Variants in CARD19 observed in about 807,000 individuals in gnomAD.
The protein encoded by CARD19 is caspase recruitment domain family member 19.
A neutral mutation model predicts 24.1 loss-of-function variants in CARD19; 25 were observed. The ratio of observed to expected loss-of-function variants is 1.04; its 90% CI spans 0.76 to 1.45. The LOEUF (loss-of-function observed/expected upper bound fraction) is 1.45. CARD19 is among the 40% of genes most tolerant of loss of function. CARD19 has a pLI of 0.00. For missense variants in CARD19, 241 were observed against 247.4 expected (o/e 0.97, Z 0.17); for synonymous variants, 103 against 104.9 (o/e 0.98, Z 0.11).
intron 1 of CARD19, among the ~76,000 whole-genome samples, chr9:93,099,954 T>G (rs1454864041): frequency 1.3e-5 from 2 of 152,210 alleles, no homozygotes; most frequent in African/African-American, 4.8e-5. Flanking sequence ...CAGGTATCTC[T>G]GGGGTTAAGG....
At chr9:93,109,471 C>CTTTTTTT (rs5899172) in intron 2 of CARD19, among the ~76,000 whole-genome samples, 1 of 148,558 alleles carries the variant, frequency 6.7e-6, no homozygotes. Context: ...ATACTTCTGT[C>CTTTTTTT]TTTTTTTTTT....
At chr9:93,102,148 G>T (rs1827109239) in intron 1 of CARD19, among the ~76,000 whole-genome samples, 1 of 152,048 alleles carries the variant, frequency 6.6e-6, no homozygotes, top group African/African-American at 2.4e-5. Context: ...TTTTAGTAGA[G>T]ACAGGGTTTC....
chr9:93,105,919 C>T (rs1274044997), intron 1 of CARD19, among the ~76,000 whole-genome samples: 3 of 152,102 alleles, frequency 2.0e-5, no homozygotes, highest in Non-Finnish European at 4.4e-5. Context: ...TTGAAGTCTC[C>T]AAATATTATT....
At chr9:93,107,640 G>A in intron 1 of CARD19, 34 bp from the exon 2 acceptor site, 2 of 1,613,228 alleles carry the variant, frequency 1.2e-6, no homozygotes, top group East Asian at 2.2e-5. Flanking sequence ...CCCTTGGGCT[G>A]TGCTGGCTCA....
chr9:93,104,652 G>T (rs1827190156), intron 1 of CARD19, among the ~76,000 whole-genome samples: 1 of 152,144 alleles, frequency 6.6e-6, no homozygotes, highest in Admixed American at 6.5e-5. Flanking sequence ...TTATTGGTCA[G>T]ATTTTCTATT....
At chr9:93,112,382 C>T (rs772204061) in intron 5 of CARD19, 93 bp downstream of exon 5, 57 of 986,414 alleles carry the variant, frequency 5.8e-5, no homozygotes, top group African/African-American at 1.1e-4. Flanking sequence ...GACCCCTTGG[C>T]CTCTTCGTAC....
chr9:93,108,004 G>A (rs1827328519), intron 2 of CARD19, among the ~76,000 whole-genome samples, 188 bp downstream of exon 2: 1 of 152,204 alleles, frequency 6.6e-6, no homozygotes, highest in African/African-American at 2.4e-5. Context: ...GGCCCTTTGG[G>A]GTGAGCCCAA....
intron 1 of CARD19, among the ~76,000 whole-genome samples, chr9:93,103,266 A>C (rs1178863639): frequency 6.6e-6 from 1 of 152,202 alleles, no homozygotes; most frequent in Non-Finnish European, 1.5e-5. Context: ...TGGGCTTTTC[A>C]TATAAAAATG....
chr9:93,098,417 G>A (rs1826958646), intron 1 of CARD19, among the ~76,000 whole-genome samples: 1 of 152,222 alleles, frequency 6.6e-6, no homozygotes, highest in Admixed American at 6.5e-5. Flanking sequence ...CCAGGCTGAG[G>A]GCATCAGTCT....
intron 1 of CARD19, among the ~76,000 whole-genome samples, chr9:93,098,690 A>G (rs1458039116): frequency 6.6e-6 from 1 of 152,220 alleles, no homozygotes; most frequent in East Asian, 1.9e-4. Flanking sequence ...CAGGAAGCAC[A>G]GGACCCCCAA....
chr9:93,108,434 CCT>C (rs1827345133), intron 2 of CARD19, among the ~76,000 whole-genome samples: 1 of 152,166 alleles, frequency 6.6e-6, no homozygotes, highest in African/African-American at 2.4e-5. Context: ...CCAGTCTGCC[CCT>C]CTCAGCAGTG....
At chr9:93,107,644 T>A (rs893332199) in intron 1 of CARD19, 30 bp from the exon 2 acceptor site, 4 of 1,613,434 alleles carry the variant, frequency 2.5e-6, no homozygotes, top group Non-Finnish European at 1.7e-6. Context: ...TGGGCTGTGC[T>A]GGCTCATGAC....
At chr9:93,104,669 C>T (rs1827191153) in intron 1 of CARD19, among the ~76,000 whole-genome samples, 1 of 152,132 alleles carries the variant, frequency 6.6e-6, no homozygotes, top group Admixed American at 6.5e-5. Flanking sequence ...TATTTCTTCA[C>T]AGTTCCGTTT....
chr9:93,111,288 C>T (rs1827474940), intron 3 of CARD19: 7 of 1,151,930 alleles, frequency 6.1e-6, no homozygotes, highest in Non-Finnish European at 7.6e-6. Flanking sequence ...CATGTGGATG[C>T]CAGTAGCCTG....
rs551222557 is a variant in CARD19 at position 93,112,606 on chromosome 9, G to C, written c.436+317G>C. On this transcript the variant is annotated intron_variant, in intron 5 of 5. Coordinates refer to ENST00000375464, the MANE Select transcript of CARD19 (RefSeq NM_032310.5). ...TGAACCATGTGGGGCCCTTGAGCAG[G>C]TCACGTGCCCCAGGGCCTTGGGTCT... Among the ~76,000 whole-genome samples the C allele has an allele frequency of 2.0e-5, 3 of 152,300 alleles. No individual in the cohort carries two copies. The East Asian group carries it at 5.8e-4, about 29-fold the overall frequency.
intron 2 of CARD19, chr9:93,109,037 A>G (rs1827366086): frequency 1.3e-5 from 2 of 152,164 alleles, no homozygotes; most frequent in South Asian, 4.1e-4. Context: ...CTCCTGGAAC[A>G]ATGAGGTTGG....
intron 1 of CARD19, among the ~76,000 whole-genome samples, chr9:93,104,189 A>G (rs781119324): frequency 6.6e-5 from 10 of 152,236 alleles, no homozygotes; most frequent in Non-Finnish European, 1.5e-4. Context: ...TTCTTTTAAT[A>G]TGCTGCTGAA....
At chr9:93,105,742 T>C (rs1827229806) in intron 1 of CARD19, among the ~76,000 whole-genome samples, 2 of 152,246 alleles carry the variant, frequency 1.3e-5, no homozygotes, top group African/African-American at 4.8e-5. Context: ...TTGTGGCCTA[T>C]CTTGGGGAAT....
rs1341221153 is a variant in CARD19, at chr9:93,111,724, CAT to C, written c.305-153_305-152del. ...AGCAGAGGAGAAGACCCAGACTGTGCATAGTTCCCTGAGGAGGGCTAGCCTCA... is the reference window on the plus strand; with the variant it reads ...AGCAGAGGAGAAGACCCAGACTGTGCAGTTCCCTGAGGAGGGCTAGCCTCA... On this transcript the variant is annotated intron_variant, in intron 3 of 5. Coordinates refer to ENST00000375464, the MANE Select transcript of CARD19 (RefSeq NM_032310.5). 3 of 1,465,558 alleles carry C rather than the reference CAT, an allele frequency of 2.0e-6. No individual in the cohort carries two copies. In the East Asian group the frequency reaches 7.5e-5, roughly 37 times the overall value. 90.8% of individuals were successfully genotyped at this position (1,465,558 alleles called of 1,614,324 possible).
Sources: allele counts gnomAD v4.1 joint callset (sites outside exome capture counted in the v4.1 genomes callset), GRCh38; gene constraint gnomAD v4.1.1; transcripts MANE v1.5; gene names NCBI Gene and HGNC (gene_info 2026-07-23, HGNC 2026-07-21).